The following VRK2 variants were observed in gnomAD, a reference collection of about 807,000 sequenced individuals.
The protein encoded by VRK2 is VRK serine/threonine kinase 2, also known as serine/threonine-protein kinase VRK2.
In VRK2, 60 loss-of-function variants were observed where a neutral mutation model predicts 57.6. The observed-to-expected ratio is 1.04, with a 90% CI of 0.85 to 1.29. The LOEUF is 1.29. VRK2 is among the 50% of genes most tolerant of loss of function. VRK2 has a pLI of 0.00. For missense variants in VRK2, 705 were observed against 588.1 expected, an observed-to-expected ratio of 1.20 and a Z score of -2.06; for synonymous variants, 231 against 199.2, an observed-to-expected ratio of 1.16 and a Z score of -1.35.
At chr2:58,070,695 TTATC>T (rs996164958) in intron 2 of VRK2, among the ~76,000 whole-genome samples, 2 of 152,206 alleles carry the variant, frequency 1.3e-5, no homozygotes, top group African/African-American at 4.8e-5. Context: ...CACAGTTTGT[TTATC>T]CATTCACCTG....
intron 7 of VRK2, among the ~76,000 whole-genome samples, chr2:58,090,198 C>A (rs1672174218): frequency 6.6e-6 from 1 of 152,034 alleles, no homozygotes; most frequent in South Asian, 2.1e-4. Context: ...GAGTTTGAGA[C>A]CAGCCTGGCC....
chr2:58,144,357 A>G (rs1681800934), intron 11 of VRK2, among the ~76,000 whole-genome samples: 2 of 151,976 alleles, frequency 1.3e-5, no homozygotes, highest in Admixed American at 1.3e-4. Context: ...ACTGTGTTGT[A>G]TTCTTGAAAT....
intron 8 of VRK2, among the ~76,000 whole-genome samples, chr2:58,126,079 CT>C (rs1301728425): frequency 1.3e-5 from 2 of 151,640 alleles, no homozygotes; most frequent in East Asian, 1.9e-4. Context: ...TCAGAAAAAT[CT>C]TTTTTTCAGT....
chr2:57,931,842 T>C (rs2103933518), intron 1 of VRK2, among the ~76,000 whole-genome samples: 1 of 151,798 alleles, frequency 6.6e-6, no homozygotes, highest in Non-Finnish European at 1.5e-5. Context: ...TATATGTATA[T>C]TCAGTTTCCT....
intron 7 of VRK2, among the ~76,000 whole-genome samples, chr2:58,095,166 T>C (rs2118898): frequency 0.4 from 60,692 of 151,632 alleles, 15,287 homozygotes; most frequent in African/African-American, 0.72. Flanking sequence ...TGGTGGCAGG[T>C]GCCTGTAGTC....
intron 7 of VRK2, among the ~76,000 whole-genome samples, chr2:58,108,006 C>T (rs2104392044): frequency 6.6e-6 from 1 of 152,134 alleles, no homozygotes; most frequent in South Asian, 2.1e-4. Context: ...TTACGTCTTT[C>T]CATCAACTTT....
chr2:58,093,567 C>G (rs1465161201), intron 7 of VRK2, among the ~76,000 whole-genome samples: 2 of 152,146 alleles, frequency 1.3e-5, no homozygotes, highest in Admixed American at 6.5e-5. Context: ...GATATTAGTC[C>G]TTTGTCAGAT....
chr2:58,005,628 G>T (rs1344793630), intron 1 of VRK2, among the ~76,000 whole-genome samples: 1 of 152,090 alleles, frequency 6.6e-6, no homozygotes, highest in East Asian at 1.9e-4. Flanking sequence ...TAAAACATAT[G>T]TAAGATATAT....
chr2:58,006,105 C>T (rs531609149), intron 1 of VRK2, among the ~76,000 whole-genome samples: 1 of 152,150 alleles, frequency 6.6e-6, no homozygotes, highest in Non-Finnish European at 1.5e-5. Context: ...GTATGTGCTA[C>T]CCTCCAGAAG....
At chr2:58,133,607 C>T (rs1277784073) in intron 9 of VRK2, among the ~76,000 whole-genome samples, 1 of 152,206 alleles carries the variant, frequency 6.6e-6, no homozygotes, top group Non-Finnish European at 1.5e-5. Context: ...TGTTGCTACT[C>T]TGCCTATGCC....
chr2:57,988,975 A>G (rs937846235), intron 1 of VRK2, among the ~76,000 whole-genome samples: 1 of 151,990 alleles, frequency 6.6e-6, no homozygotes, highest in African/African-American at 2.4e-5. Context: ...CCAACCCAAG[A>G]TACCTGAAAA....
chr2:57,991,024 T>C (rs570355016), intron 1 of VRK2, among the ~76,000 whole-genome samples: 1 of 152,158 alleles, frequency 6.6e-6, no homozygotes, highest in African/African-American at 2.4e-5. Context: ...ATTCCAAAAT[T>C]CACTTCCTGA....
chr2:58,048,635 A>G (rs1675238604), intron 1 of VRK2, 192 bp from the exon 2 acceptor site: 5 of 1,498,444 alleles, frequency 3.3e-6, no homozygotes, highest in Non-Finnish European at 4.5e-6. Context: ...CTTAGATCTC[A>G]GTATTGTAAT....
At chr2:58,046,204 T>C (rs1674735172), upstream of VRK2, among the ~76,000 whole-genome samples, 1 of 152,212 alleles carries the variant, frequency 6.6e-6, no homozygotes, top group East Asian at 1.9e-4. Flanking sequence ...ATTGTCATAA[T>C]CTTATAACCA....
At chr2:58,057,768 G>A (rs1164338971) in intron 2 of VRK2, among the ~76,000 whole-genome samples, 1 of 152,078 alleles carries the variant, frequency 6.6e-6, no homozygotes. Flanking sequence ...TTTTGTTATG[G>A]TTTCTGGGCA....
At chr2:58,031,032 T>C (rs1394533793) in intron 2 of VRK2, among the ~76,000 whole-genome samples, 2 of 152,060 alleles carry the variant, frequency 1.3e-5, no homozygotes, top group Admixed American at 1.3e-4. Context: ...ACTCCCAGCA[T>C]GCACACCTTC....
intron 1 of VRK2, among the ~76,000 whole-genome samples, chr2:57,994,489 T>C (rs959140508): frequency 6.6e-6 from 1 of 152,168 alleles, no homozygotes; most frequent in Non-Finnish European, 1.5e-5. Context: ...CCAATCTCCA[T>C]TTCCACTACT....
chr2:57,915,254 C>CA lies in VRK2; in HGVS notation c.-439+7417dup, dbSNP rs1265715620. On this transcript the variant is annotated intron_variant, in intron 1 of 15. Transcript: ENST00000417641. ...GAGTTCTGGTTATCATAAAACTTTA[C>CA]AATAGTGAACTACACATGATTCTAC... Among the ~76,000 whole-genome samples the CA allele has an allele frequency of 5.9e-5, 9 of 152,070 alleles. No homozygotes were observed. The East Asian group carries it at 1.7e-3, about 29-fold the overall frequency.
chr2:58,032,238 C>T (rs560481770), intron 2 of VRK2, among the ~76,000 whole-genome samples: 18 of 152,112 alleles, frequency 1.2e-4, no homozygotes, highest in Middle Eastern at 3.4e-3. Context: ...CTAAGTGTCC[C>T]GGTATGTTGT....
Sources: allele counts gnomAD v4.1 joint callset (sites outside exome capture counted in the v4.1 genomes callset), GRCh38; gene constraint gnomAD v4.1.1; transcripts MANE v1.5; gene names NCBI Gene and HGNC (gene_info 2026-07-23, HGNC 2026-07-21).